CCDC85C: variants seen among roughly 807,000 people sequenced by gnomAD.
CCDC85C encodes the protein coiled-coil domain containing 85C.
A neutral mutation model predicts 38.3 loss-of-function variants in CCDC85C; 18 were observed. The observed-to-expected ratio is 0.47, with a 90% confidence interval of 0.33 to 0.70. The LOEUF is 0.70. Ranked by LOEUF, CCDC85C falls within the 30% of genes least tolerant of loss-of-function variation. CCDC85C has a pLI of 0.03. For missense variants in CCDC85C, 566 were observed against 621.2 expected (o/e 0.91, Z 0.94); for synonymous variants, 264 against 293.8 (o/e 0.90, Z 1.04).
At chr14:99,574,781 C>T (rs956276232) in intron 1 of CCDC85C, among the ~76,000 whole-genome samples, 3 of 152,222 alleles carry the variant, frequency 2.0e-5, no homozygotes, top group African/African-American at 7.2e-5. Context: ...ATGACCCAGG[C>T]ACATTACTGA....
chr14:99,547,190 G>A (rs7158398), intron 1 of CCDC85C, among the ~76,000 whole-genome samples: 78,141 of 151,710 alleles, frequency 0.52, 20,263 homozygotes, highest in South Asian at 0.57. Flanking sequence ...GCAAACTCCC[G>A]TCTCTAAAAA....
chr14:99,568,417 T>C (rs1033462900), intron 1 of CCDC85C, among the ~76,000 whole-genome samples: 29 of 152,140 alleles, frequency 1.9e-4, no homozygotes, highest in African/African-American at 5.5e-4. Flanking sequence ...TCCTTCCTCC[T>C]TGGCCTTCCT....
intron 1 of CCDC85C, among the ~76,000 whole-genome samples, chr14:99,586,549 C>G (rs753288574): frequency 7.2e-5 from 11 of 152,230 alleles, no homozygotes; most frequent in Non-Finnish European, 1.2e-4. Context: ...ATGCCATGGG[C>G]TTGGGGGCTC....
Position 99,558,683 on chromosome 14 carries a change from A to G in CCDC85C, c.794-22595T>C, listed in dbSNP as rs1898056722. ...ACTGGTGTCCTTGTAAGAGACAGAA[A>G]AGGGCAAATGGAAACAGAGGAGGCC... On this transcript the variant is annotated intron_variant, in intron 1 of 5. Transcript: ENST00000380243. This position sits in a 1 kb window ranked among gnomAD's most constrained non-coding sequence, Gnocchi z 4.2. Among the ~76,000 whole-genome samples the G allele has an allele frequency of 1.3e-5, 2 of 152,218 alleles. No individual in the cohort carries two copies. Among genetic ancestry groups the G allele is most frequent in the African/African-American group, 4.8e-5 (2 of 41,458 alleles).
chr14:99,598,902 AC>A (rs2055170953), intron 1 of CCDC85C, among the ~76,000 whole-genome samples: 1 of 151,820 alleles, frequency 6.6e-6, no homozygotes, highest in African/African-American at 2.4e-5. Flanking sequence ...CAGTTTACCC[AC>A]CCCTGGGTCA....
chr14:99,531,759 T>G, intron 2 of CCDC85C, among the ~76,000 whole-genome samples: 1 of 152,134 alleles, frequency 6.6e-6, no homozygotes, highest in South Asian at 2.1e-4. Flanking sequence ...CTGTACAACT[T>G]GATTTCCCTG....
intron 1 of CCDC85C, among the ~76,000 whole-genome samples, chr14:99,596,330 G>A (rs540647175): frequency 6.6e-6 from 1 of 152,348 alleles, no homozygotes; most frequent in Admixed American, 6.5e-5. Context: ...GGAAATGGCA[G>A]AATGTCTCTG....
intron 1 of CCDC85C, among the ~76,000 whole-genome samples, chr14:99,553,548 A>C (rs1897954271): frequency 6.6e-6 from 1 of 152,178 alleles, no homozygotes; most frequent in Admixed American, 6.5e-5. Flanking sequence ...TGTTTTTAGT[A>C]GAGACGGGGT....
intron 1 of CCDC85C, among the ~76,000 whole-genome samples, chr14:99,599,438 A>G (rs894295987): frequency 2.0e-5 from 3 of 152,144 alleles, no homozygotes; most frequent in African/African-American, 7.2e-5. Flanking sequence ...GGCAGCTGGA[A>G]AAAGAACTGA....
chr14:99,523,794 G>A (rs147089274), intron 2 of CCDC85C, among the ~76,000 whole-genome samples: 5 of 152,288 alleles, frequency 3.3e-5, no homozygotes, highest in East Asian at 3.9e-4. Context: ...CAGCACGGGG[G>A]CCTTGGGCAC....
chr14:99,502,440 C>A lies in CCDC85C; in HGVS notation c.*12806G>T. 6.4e-7 allele frequency: 1 copy of A among 1,555,064 alleles called. No individual in the cohort carries two copies. Among genetic ancestry groups the A allele is most frequent in the Non-Finnish European group, 8.7e-7 (1 of 1,152,366 alleles). On this transcript the variant is annotated 3_prime_UTR_variant, in exon 6 of 6. Coordinates refer to ENST00000380243, the MANE Select transcript of CCDC85C (RefSeq NM_001144995.2). ...TGTTGAGATGATTCTTCCATGTGTA[C>A]CCTGAGTCCCAAGAATGGATTTTCC... is the stretch of plus-strand genomic sequence containing the variant.
At chr14:99,591,707 C>T (rs117779677) in intron 1 of CCDC85C, among the ~76,000 whole-genome samples, 1,691 of 150,630 alleles carry the variant, frequency 0.011, 15 homozygotes, top group Non-Finnish European at 0.019. Flanking sequence ...ACTCCATACT[C>T]AGGTGTCAGG....
intron 2 of CCDC85C, among the ~76,000 whole-genome samples, chr14:99,530,213 A>T (rs77149228): frequency 0.019 from 2,955 of 152,188 alleles, 40 homozygotes; most frequent in Middle Eastern, 0.065. Context: ...GAGACTGACC[A>T]TCTGTTCATT....
At position 99,548,470 on chromosome 14, in the gene CCDC85C, C is replaced by T. The variant is rs539248927; in HGVS notation, c.794-12382G>A. Among the ~76,000 whole-genome samples, 2 of 152,130 alleles carry T rather than the reference C, an allele frequency of 1.3e-5. No individual in the cohort carries two copies. The highest frequency in any genetic ancestry group is 2.4e-5 in the African/African-American group (1 of 41,496). ...CAGCGGATCAGAGAGCAGCCTGGCG[C>T]GGTTTCCTGCAGCTGAAGATGCTCA... On this transcript the variant is annotated intron_variant, in intron 1 of 5. Coordinates refer to ENST00000380243, the MANE Select transcript of CCDC85C (RefSeq NM_001144995.2). This position sits in a 1 kb window ranked among gnomAD's most constrained non-coding sequence, Gnocchi z 4.9.
chr14:99,550,797 C>T (rs914734230), intron 1 of CCDC85C, among the ~76,000 whole-genome samples: 5 of 152,178 alleles, frequency 3.3e-5, no homozygotes, highest in African/African-American at 4.8e-5. Flanking sequence ...GAGGCCTGCA[C>T]GCTGCCCTCT....
rs1054875095 is a variant in CCDC85C, at chr14:99,533,903, G to A, written c.867+2112C>T. Among the ~76,000 whole-genome samples the A allele has an allele frequency of 6.6e-5, 10 of 152,366 alleles. No individual in the cohort carries two copies. The highest frequency in any genetic ancestry group is 1.2e-4 in the African/African-American group (5 of 41,598). On this transcript the variant is annotated intron_variant, in intron 2 of 5. Transcript: ENST00000380243. This position sits in a 1 kb window ranked among gnomAD's most constrained non-coding sequence, Gnocchi z 4.2. ...CTGCTCCTCCACAGCCCGCTTGGGC[G>A]CAGGTTTTCTGCAAGTCCGTGGTCA...
At chr14:99,571,749 G>C (rs536559969) in intron 1 of CCDC85C, among the ~76,000 whole-genome samples, 1 of 152,194 alleles carries the variant, frequency 6.6e-6, no homozygotes, top group Non-Finnish European at 1.5e-5. Flanking sequence ...TGGCCTGTCC[G>C]GGCCTTTGCC....
intron 1 of CCDC85C, among the ~76,000 whole-genome samples, chr14:99,564,392 T>C (rs1348542074): frequency 2.0e-5 from 3 of 152,192 alleles, no homozygotes; most frequent in Non-Finnish European, 4.4e-5. Context: ...ATGCCCCATA[T>C]GCCTGTGCCC....
At position 99,509,950 on chromosome 14, in the gene CCDC85C, C is replaced by A; in HGVS notation, c.*5296G>T. On this transcript the variant is annotated 3_prime_UTR_variant, in exon 6 of 6. Transcript: ENST00000380243. ...AGGGAGGGAAAACCCCAGGTCGTCG[C>A]AGACAGGGTGGAGGGCCTTCTTGAC... 1 of 605,814 alleles carries A rather than the reference C, an allele frequency of 1.7e-6. No homozygotes were observed. Among genetic ancestry groups the A allele is most frequent in the Non-Finnish European group, 2.9e-6 (1 of 344,502 alleles). 37.5% of individuals were successfully genotyped at this position (605,814 alleles called of 1,614,324 possible). A position where few individuals can be genotyped will look rare whatever the true frequency, so the allele number is the denominator to read the frequency against.
Sources: gnomAD v4.1 joint callset for allele counts (sites outside exome capture counted in the v4.1 genomes callset) on GRCh38, gnomAD v4.1.1 for gene constraint, Gnocchi (gnomAD v3.1) non-coding constraint, MANE v1.5 for transcripts, NCBI Gene and HGNC (gene_info 2026-07-23, HGNC 2026-07-21) for gene names.